The following CBFA2T2 variants were observed in gnomAD, a reference collection of about 807,000 sequenced individuals.
The protein encoded by CBFA2T2 is CBFA2/RUNX1 partner transcriptional co-repressor 2.
A neutral mutation model predicts 62.2 loss-of-function variants in CBFA2T2; 11 were observed. The observed-to-expected ratio is 0.18, with a 90% CI of 0.11 to 0.29. CBFA2T2 has a LOEUF of 0.29. Among genes scored for constraint, CBFA2T2 ranks in the 10% least tolerant of loss-of-function variants. The pLI is 1.00. For synonymous variants in CBFA2T2, 295 were observed against 287.5 expected (o/e 1.03, Z -0.27); for missense variants, 592 against 774.1 (o/e 0.76, Z 2.79).
intron 1 of CBFA2T2, among the ~76,000 whole-genome samples, chr20:33,557,252 A>T (rs1253720885): frequency 6.6e-6 from 1 of 151,750 alleles, no homozygotes; most frequent in Non-Finnish European, 1.5e-5. Context: ...TGACCTTGTG[A>T]TCCGCCTGCC....
chr20:33,494,702 G>A (rs1414294508), intron 1 of CBFA2T2, among the ~76,000 whole-genome samples: 1 of 151,634 alleles, frequency 6.6e-6, no homozygotes, highest in Non-Finnish European at 1.5e-5. Flanking sequence ...AGGTTCAAGC[G>A]ATTCTCCTGC....
intron 8 of CBFA2T2, among the ~76,000 whole-genome samples, chr20:33,630,669 A>G (rs2016414592): frequency 6.6e-6 from 1 of 152,230 alleles, no homozygotes; most frequent in Non-Finnish European, 1.5e-5. Flanking sequence ...TAACTGAGAA[A>G]GTGCCCTATC....
chr20:33,565,663 A>T (rs1021670731), intron 1 of CBFA2T2, among the ~76,000 whole-genome samples: 2 of 152,202 alleles, frequency 1.3e-5, no homozygotes, highest in Non-Finnish European at 2.9e-5. Context: ...TGAGGTTATA[A>T]CCAAGATACA....
At chr20:33,566,531 G>A (rs1053397935) in intron 1 of CBFA2T2, among the ~76,000 whole-genome samples, 10 of 152,028 alleles carry the variant, frequency 6.6e-5, no homozygotes, top group Non-Finnish European at 2.9e-5. Context: ...AATTGAACCT[G>A]GGAGGCGGAA....
intron 1 of CBFA2T2, among the ~76,000 whole-genome samples, chr20:33,566,667 A>G (rs1190022435): frequency 1.3e-5 from 2 of 152,144 alleles, no homozygotes; most frequent in Non-Finnish European, 2.9e-5. Flanking sequence ...TAGGAATCAG[A>G]GAACCTTCCT....
chr20:33,490,755 T>C (rs115183567), intron 1 of CBFA2T2, among the ~76,000 whole-genome samples: 3,432 of 152,268 alleles, frequency 0.023, 124 homozygotes, highest in African/African-American at 0.078. Flanking sequence ...ACATCCAGGC[T>C]TCCCCATTTA....
In CBFA2T2 at chr20:33,544,990, T is replaced by TAGAACAGAACAGAACAGAAC. The variant is rs1423129077; in HGVS notation, c.34+54693_34+54694insCAGAACAGAACAGAACAGAA. On this transcript the variant is annotated intron_variant, in intron 1 of 10. Transcript: ENST00000342704. ...TAGAATAGAATAGAATAGAATAGAA[T>TAGAACAGAACAGAACAGAAC]AGAATAGAATAGAATAGAATAGAAC... is the stretch of plus-strand genomic sequence containing the variant. Among the ~76,000 whole-genome samples the TAGAACAGAACAGAACAGAAC allele has an allele frequency of 4.3e-3, 584 of 136,138 alleles. 10 individuals are homozygous for TAGAACAGAACAGAACAGAAC. The highest frequency in any genetic ancestry group is 0.017 in the African/African-American group (553 of 32,716). 89.3% of individuals were successfully genotyped at this position (136,138 alleles called of 152,430 possible).
At chr20:33,641,578 G>A (rs759833708) in intron 10 of CBFA2T2, among the ~76,000 whole-genome samples, 14 of 151,836 alleles carry the variant, frequency 9.2e-5, no homozygotes, top group Non-Finnish European at 1.8e-4. Flanking sequence ...ATGGGAGACC[G>A]GCTGTCTTTG....
chr20:33,547,031 A>G (rs1473007862), intron 1 of CBFA2T2, among the ~76,000 whole-genome samples: 1 of 151,484 alleles, frequency 6.6e-6, no homozygotes, highest in African/African-American at 2.4e-5. Context: ...TGAAGCCCCA[A>G]CTCTACTAAA....
At chr20:33,540,200 A>G (rs945175523) in intron 1 of CBFA2T2, among the ~76,000 whole-genome samples, 2 of 152,222 alleles carry the variant, frequency 1.3e-5, no homozygotes, top group Non-Finnish European at 2.9e-5. Flanking sequence ...CATTGTTTCA[A>G]CATTGAATGT....
chr20:33,572,036 G>T (rs547433220), intron 1 of CBFA2T2, among the ~76,000 whole-genome samples: 1 of 152,288 alleles, frequency 6.6e-6, no homozygotes, highest in East Asian at 1.9e-4. Context: ...GACTACAGGC[G>T]CCTGCCACCA....
At chr20:33,500,039 A>G (rs927561960) in intron 1 of CBFA2T2, among the ~76,000 whole-genome samples, 9 of 151,954 alleles carry the variant, frequency 5.9e-5, no homozygotes, top group Middle Eastern at 3.4e-3. Context: ...GCTCACTGCA[A>G]CCTCCACCAC....
chr20:33,629,170 C>G (rs2016357971), intron 7 of CBFA2T2, among the ~76,000 whole-genome samples: 1 of 152,254 alleles, frequency 6.6e-6, no homozygotes, highest in Non-Finnish European at 1.5e-5. Context: ...TCTGCTCCTT[C>G]TGTAGTAAAG....
intron 10 of CBFA2T2, among the ~76,000 whole-genome samples, chr20:33,643,752 A>G (rs910681623): frequency 3.7e-5 from 2 of 54,794 alleles, no homozygotes; most frequent in South Asian, 1.5e-3. Flanking sequence ...CCTCATCTCT[A>G]CTATATATAT....
chr20:33,490,523 T>G (rs2011138858), intron 1 of CBFA2T2, among the ~76,000 whole-genome samples: 1 of 151,652 alleles, frequency 6.6e-6, no homozygotes, highest in Admixed American at 6.6e-5. Flanking sequence ...GCTCACGGTG[T>G]GAGGGAAATT....
At chr20:33,561,923 T>A (rs2013103229) in intron 1 of CBFA2T2, among the ~76,000 whole-genome samples, 1 of 152,204 alleles carries the variant, frequency 6.6e-6, no homozygotes, top group African/African-American at 2.4e-5. Flanking sequence ...TCTGTTTATA[T>A]TCCCCAAATT....
At chr20:33,499,949 AAC>A (rs1195141729) in intron 1 of CBFA2T2, among the ~76,000 whole-genome samples, 1 of 152,032 alleles carries the variant, frequency 6.6e-6, no homozygotes, top group Non-Finnish European at 1.5e-5. Flanking sequence ...TGAGTGTCCA[AAC>A]ACCCATTTAT....
intron 4 of CBFA2T2, among the ~76,000 whole-genome samples, chr20:33,620,579 C>G (rs2015916130): frequency 6.6e-6 from 1 of 152,104 alleles, no homozygotes; most frequent in South Asian, 2.1e-4. Flanking sequence ...GTGGCTCACG[C>G]CTATAATCCA....
chr20:33,623,199 G>A lies in CBFA2T2; in HGVS notation c.595G>A (p.Glu199Lys), dbSNP rs201708482. The change falls in exon 5 of 11, where the codon GAA becomes AAA. Residue 199 changes from glutamate to lysine, a missense_variant. This residue lies in a region of CBFA2T2 where 449 missense variants were observed against 551.2 expected (regional missense o/e 0.81). Coordinates refer to ENST00000342704, the MANE Select transcript of CBFA2T2 (RefSeq NM_001032999.3). ...QTPSQYLAQHEHLLLNTSIAS... is the reference protein window; with the variant it reads ...QTPSQYLAQHKHLLLNTSIAS... ...CCCATCCCAGTACCTGGCTCAGCAC[G>A]AACACCTTCTGCTCAACACAAGCAT... 8.7e-6 allele frequency: 14 copies of A among 1,614,216 alleles called. No individual in the cohort carries two copies. Among genetic ancestry groups the A allele is most frequent in the African/African-American group, 2.7e-5 (2 of 75,052 alleles).
Sources: allele counts gnomAD v4.1 joint callset (sites outside exome capture counted in the v4.1 genomes callset), GRCh38; gene constraint gnomAD v4.1.1; regional missense constraint gnomAD v4.1.1; transcripts MANE v1.5; gene names NCBI Gene and HGNC (gene_info 2026-07-23, HGNC 2026-07-21).